Variants in EPHA3 observed in about 807,000 individuals in gnomAD.
The protein encoded by EPHA3 is EPH receptor A3, also known as ephrin type-A receptor 3.
In EPHA3, 42 loss-of-function variants were observed where a neutral mutation model predicts 107.1. That is an observed-to-expected ratio of 0.39 (90% CI 0.31 to 0.51). The LOEUF is 0.51. Among genes scored for constraint, EPHA3 ranks in the 20% least tolerant of loss-of-function variants. The pLI, the probability that EPHA3 is intolerant of heterozygous loss-of-function variation, is 0.78. For synonymous variants in EPHA3, 461 were observed against 424.8 expected (o/e 1.09, Z -1.05); for missense variants, 1,183 against 1,211.2 (o/e 0.98, Z 0.35).
At chr3:89,173,417 C>T (rs570093586) in intron 2 of EPHA3, among the ~76,000 whole-genome samples, 39 of 151,956 alleles carry the variant, frequency 2.6e-4, no homozygotes, top group Non-Finnish European at 4.4e-4. Context: ...AGATAAGTCA[C>T]CTCTCAAATC....
At chr3:89,310,264 G>T (rs570152426) in intron 3 of EPHA3, among the ~76,000 whole-genome samples, 2 of 152,084 alleles carry the variant, frequency 1.3e-5, no homozygotes, top group East Asian at 3.9e-4. Context: ...AATTGTAAGG[G>T]ATAGGAAAAA....
At chr3:89,125,559 A>G (rs1291918648) in intron 1 of EPHA3, among the ~76,000 whole-genome samples, 1 of 151,698 alleles carries the variant, frequency 6.6e-6, no homozygotes, top group Non-Finnish European at 1.5e-5. Flanking sequence ...AAATAATTCA[A>G]TTATGGAAAT....
intron 6 of EPHA3, among the ~76,000 whole-genome samples, chr3:89,397,671 C>A (rs1348841948): frequency 6.6e-6 from 1 of 151,768 alleles, no homozygotes; most frequent in Non-Finnish European, 1.5e-5. Context: ...GCCACCTCCG[C>A]CTCCCAGGTT....
chr3:89,246,810 T>A, intron 3 of EPHA3, among the ~76,000 whole-genome samples: 1 of 152,196 alleles, frequency 6.6e-6, no homozygotes, highest in Non-Finnish European at 1.5e-5. Context: ...AAATCTTTTT[T>A]TTTATTTTGC....
intron 2 of EPHA3, among the ~76,000 whole-genome samples, chr3:89,200,859 G>C (rs184240919): frequency 7.9e-5 from 12 of 152,246 alleles, no homozygotes; most frequent in African/African-American, 2.9e-4. Context: ...TTCCCAGTCT[G>C]AGTGAGTATG....
chr3:89,290,336 G>A (rs1012479052), intron 3 of EPHA3, among the ~76,000 whole-genome samples: 6 of 151,890 alleles, frequency 4.0e-5, no homozygotes, highest in Admixed American at 1.3e-4. Context: ...TATATTCCTC[G>A]CTCCTCTCTG....
intron 5 of EPHA3, among the ~76,000 whole-genome samples, chr3:89,386,056 C>T: frequency 6.6e-6 from 1 of 152,200 alleles, no homozygotes; most frequent in East Asian, 1.9e-4. Flanking sequence ...TTTAAGGTAT[C>T]TGGTGGAACA....
intron 2 of EPHA3, among the ~76,000 whole-genome samples, chr3:89,199,313 G>A (rs760589405): frequency 1.3e-5 from 2 of 152,098 alleles, no homozygotes; most frequent in Non-Finnish European, 2.9e-5. Context: ...TTTGCAATAA[G>A]TGTCCTTTAC....
intron 3 of EPHA3, among the ~76,000 whole-genome samples, chr3:89,258,431 T>C (rs78776790): frequency 0.066 from 10,070 of 152,240 alleles, 382 homozygotes; most frequent in East Asian, 0.17. Context: ...ATGTTGTGCT[T>C]ATGAGACAAA....
At chr3:89,263,801 C>T (rs1360597101) in intron 3 of EPHA3, among the ~76,000 whole-genome samples, 2 of 152,028 alleles carry the variant, frequency 1.3e-5, no homozygotes. Context: ...TAATTTTGGG[C>T]CGTGGTTTCA....
At chr3:89,389,696 A>G (rs1708687077) in intron 5 of EPHA3, among the ~76,000 whole-genome samples, 1 of 152,366 alleles carries the variant, frequency 6.6e-6, no homozygotes, top group Admixed American at 6.5e-5. Context: ...AGTTAAAACA[A>G]AGAATCCCTT....
chr3:89,256,316 A>G (rs547110716), intron 3 of EPHA3, among the ~76,000 whole-genome samples: 7 of 152,234 alleles, frequency 4.6e-5, no homozygotes, highest in African/African-American at 1.7e-4. Flanking sequence ...TGGGAAGCTG[A>G]GGCAGGCAGA....
chr3:89,323,026 T>C lies in EPHA3; in HGVS notation c.815-17890T>C, dbSNP rs1707079827. On this transcript the variant is annotated intron_variant, in intron 3 of 16. Transcript: ENST00000336596. ...ATCTTTGTGAATTATATTTAAAAAG[T>C]ATAATTTTAACAGAAAAGGATGTTG... Among the ~76,000 whole-genome samples the C allele has an allele frequency of 5.9e-5, 9 of 152,200 alleles. No individual in the cohort carries two copies. The South Asian group carries it at 1.7e-3, about 28-fold the overall frequency.
intron 2 of EPHA3, among the ~76,000 whole-genome samples, chr3:89,190,752 G>A (rs1705693977): frequency 6.6e-6 from 1 of 152,168 alleles, no homozygotes; most frequent in African/African-American, 2.4e-5. Context: ...CAGTTGAGAA[G>A]TATCTGTTTC....
At chr3:89,226,271 G>A (rs1704501738) in intron 3 of EPHA3, among the ~76,000 whole-genome samples, 1 of 152,182 alleles carries the variant, frequency 6.6e-6, no homozygotes, top group South Asian at 2.1e-4. Context: ...GATAACAATA[G>A]CATCTCCTTA....
At chr3:89,381,754 T>C (rs1375070883) in intron 5 of EPHA3, among the ~76,000 whole-genome samples, 1 of 152,098 alleles carries the variant, frequency 6.6e-6, no homozygotes, top group Non-Finnish European at 1.5e-5. Flanking sequence ...ATGGGATTAG[T>C]GCTCTTATAA....
chr3:89,161,238 G>A (rs1206001644), intron 2 of EPHA3, among the ~76,000 whole-genome samples: 4 of 152,004 alleles, frequency 2.6e-5, no homozygotes, highest in Non-Finnish European at 5.9e-5. Context: ...TGTTTGAATG[G>A]GTAACACATT....
At chr3:89,376,029 T>C (rs527540198) in intron 5 of EPHA3, among the ~76,000 whole-genome samples, 226 of 152,002 alleles carry the variant, frequency 1.5e-3, no homozygotes, top group Non-Finnish European at 2.6e-3. Flanking sequence ...GCACAGAAAA[T>C]CTTCTTGAAT....
chr3:89,205,322 T>G (rs1706072912), intron 2 of EPHA3, among the ~76,000 whole-genome samples: 1 of 152,212 alleles, frequency 6.6e-6, no homozygotes, highest in African/African-American at 2.4e-5. Context: ...ATTAGGTAAA[T>G]GCCAGTTAAT....
Sources: gnomAD v4.1 joint callset for allele counts (sites outside exome capture counted in the v4.1 genomes callset) on GRCh38, gnomAD v4.1.1 for gene constraint, MANE v1.5 for transcripts, NCBI Gene and HGNC (gene_info 2026-07-23, HGNC 2026-07-21) for gene names.